BPGM: variants seen among roughly 807,000 people sequenced by gnomAD.
The protein encoded by BPGM is 2,3-bisphosphoglycerate mutase, erythrocyte.
A neutral mutation model predicts 21.6 loss-of-function variants in BPGM; 15 were observed. The observed-to-expected ratio is 0.70, with a 90% CI of 0.47 to 1.07. The LOEUF is 1.07. BPGM is among the 50% of genes least tolerant of loss of function. The pLI, the probability that BPGM is intolerant of heterozygous loss-of-function variation, is 0.00. For missense variants in BPGM, 273 were observed against 319.0 expected, an observed-to-expected ratio of 0.86 and a Z score of 1.10; for synonymous variants, 113 against 116.2, an observed-to-expected ratio of 0.97 and a Z score of 0.18.
intron 2 of BPGM, among the ~76,000 whole-genome samples, chr7:134,670,879 G>A (rs3823563): frequency 0.65 from 99,246 of 152,028 alleles, 32,893 homozygotes; most frequent in East Asian, 0.88. Flanking sequence ...ATCCTGTAGC[G>A]AATCTTTCTG....
intron 2 of BPGM, among the ~76,000 whole-genome samples, chr7:134,670,688 C>T (rs1275446994): frequency 6.6e-6 from 1 of 152,034 alleles, no homozygotes; most frequent in Non-Finnish European, 1.5e-5. Flanking sequence ...TAAAGGAATA[C>T]AGAACTCTTA....
chr7:134,673,132 C>T (rs1795931800), intron 2 of BPGM, among the ~76,000 whole-genome samples: 1 of 152,030 alleles, frequency 6.6e-6, no homozygotes. Context: ...TGAGATCGCG[C>T]CACTGCACTC....
intron 2 of BPGM, among the ~76,000 whole-genome samples, chr7:134,662,891 C>T (rs1400715802): frequency 6.6e-6 from 1 of 152,188 alleles, no homozygotes; most frequent in Non-Finnish European, 1.5e-5. Flanking sequence ...CAAATGAACT[C>T]TTGAGGATTC....
At chr7:134,675,186 T>C (rs796511181) in intron 2 of BPGM, among the ~76,000 whole-genome samples, 6 of 152,290 alleles carry the variant, frequency 3.9e-5, no homozygotes, top group African/African-American at 1.4e-4. Context: ...ATACAAATTT[T>C]TCTCCCATTC....
chr7:134,657,423 T>G (rs889874), intron 1 of BPGM, among the ~76,000 whole-genome samples: 111,510 of 152,216 alleles, frequency 0.73, 42,482 homozygotes, highest in East Asian at 0.96. Flanking sequence ...AGAATTGAGG[T>G]TTTAAAATAA....
chr7:134,657,872 A>G (rs1562967801), intron 1 of BPGM, among the ~76,000 whole-genome samples: 1 of 152,226 alleles, frequency 6.6e-6, no homozygotes, highest in East Asian at 1.9e-4. Flanking sequence ...GTTGGGCAAT[A>G]ACAGGAAAGC....
rs961228656 is a variant in BPGM, at chr7:134,662,346, G to A, written c.601+238G>A. On this transcript the variant is annotated intron_variant, in intron 2 of 2. Coordinates refer to ENST00000344924, the MANE Select transcript of BPGM (RefSeq NM_001724.5). Reference sequence around the variant, plus strand: ...GCATCAGAGTCACCTGGAGAGGTTGGTGTATCACAGATTGTGGGTCCCACC... The same window carrying A: ...GCATCAGAGTCACCTGGAGAGGTTGATGTATCACAGATTGTGGGTCCCACC... Among the ~76,000 whole-genome samples, 3 of 152,232 alleles carry A rather than the reference G, an allele frequency of 2.0e-5. No homozygotes were observed. The East Asian group carries it at 5.8e-4, about 29-fold the overall frequency.
At chr7:134,648,427 GCCCGGCCTTCTTTTTTTTTGAACTGCCT>G (rs1562965655) in intron 1 of BPGM, among the ~76,000 whole-genome samples, 2 of 152,112 alleles carry the variant, frequency 1.3e-5, no homozygotes, top group African/African-American at 4.8e-5. Context: ...GAGCTACCGC[GCCCGGCCTTCTTTTTTTTTGAACTGCCT>G]CCCGTGAGTC....
intron 2 of BPGM, among the ~76,000 whole-genome samples, chr7:134,677,449 A>G (rs1795999002): frequency 6.6e-6 from 1 of 152,160 alleles, no homozygotes; most frequent in Non-Finnish European, 1.5e-5. Flanking sequence ...TAGTTTGTGT[A>G]TAAGAGTTAT....
chr7:134,664,548 A>AGTTATT (rs138398326), intron 2 of BPGM, among the ~76,000 whole-genome samples: 68 of 151,536 alleles, frequency 4.5e-4, no homozygotes, highest in African/African-American at 1.6e-3. Flanking sequence ...TCACATTATG[A>AGTTATT]GGAGTTTGGG....
chr7:134,652,311 C>A (rs1322996011), intron 1 of BPGM, among the ~76,000 whole-genome samples: 1 of 151,888 alleles, frequency 6.6e-6, no homozygotes, highest in African/African-American at 2.4e-5. Context: ...TGGCCTATAC[C>A]GTTTTTTAAA....
intron 1 of BPGM, among the ~76,000 whole-genome samples, chr7:134,659,090 G>T (rs2131426484): frequency 6.6e-6 from 1 of 152,170 alleles, no homozygotes; most frequent in South Asian, 2.1e-4. Flanking sequence ...GTCTAACCAT[G>T]CCCTTCTTTA....
rs759276242 is a variant in BPGM at position 134,679,034 on chromosome 7, T to C, written c.*3T>C. On this transcript the variant is annotated 3_prime_UTR_variant, in exon 3 of 3. Transcript: ENST00000344924. ...AAGTGAAACAAGCTAAAAAATAGTC[T>C]TTCTCAACTGTTGGCTAAGAAGAAA... is the stretch of plus-strand genomic sequence containing the variant. 6.2e-7 allele frequency: 1 copy of C among 1,613,968 alleles called. No homozygotes were observed. Among genetic ancestry groups the C allele is most frequent in the Admixed American group, 1.7e-5 (1 of 60,026 alleles).
intron 1 of BPGM, among the ~76,000 whole-genome samples, chr7:134,652,974 T>C (rs1795579822): frequency 2.0e-5 from 3 of 152,212 alleles, no homozygotes; most frequent in Admixed American, 2.0e-4. Flanking sequence ...TTATTTGCTT[T>C]CTTTTGGATG....
intron 1 of BPGM, chr7:134,658,780 GT>G (rs1266359307): frequency 1.3e-5 from 2 of 152,100 alleles, no homozygotes; most frequent in African/African-American, 4.8e-5. Flanking sequence ...ACTTTATCAT[GT>G]ATTCACCTGC....
intron 2 of BPGM, among the ~76,000 whole-genome samples, chr7:134,669,374 T>C (rs1018711105): frequency 2.0e-5 from 3 of 152,194 alleles, no homozygotes; most frequent in Non-Finnish European, 4.4e-5. Context: ...TGAAAGCTCC[T>C]CTAATAAAGG....
intron 1 of BPGM, among the ~76,000 whole-genome samples, chr7:134,658,144 A>G (rs1450731986): frequency 6.6e-6 from 1 of 152,196 alleles, no homozygotes; most frequent in Non-Finnish European, 1.5e-5. Context: ...TCAGTTGCTC[A>G]GTATCACAGG....
At position 134,673,286 on chromosome 7, in the gene BPGM, TG is replaced by T. The variant is rs1450643475; in HGVS notation, c.602-5566del. On this transcript the variant is annotated intron_variant, in intron 2 of 2. Transcript: ENST00000344924. ...TTTAAATATTTGTAAGTAATTAGTC[TG>T]CTGTGTGAATGGCTTGAGTAGTCAT... 2.0e-5 allele frequency among the ~76,000 whole-genome samples: 3 copies of T among 152,256 alleles called. No homozygotes were observed. The East Asian group carries it at 5.8e-4, about 29-fold the overall frequency.
intron 2 of BPGM, among the ~76,000 whole-genome samples, chr7:134,671,317 C>T (rs1398738809): frequency 6.6e-6 from 1 of 150,932 alleles, no homozygotes; most frequent in African/African-American, 2.4e-5. Flanking sequence ...AGGGTGTTTT[C>T]ATATATAGGC....
Sources: allele counts gnomAD v4.1 joint callset (sites outside exome capture counted in the v4.1 genomes callset), GRCh38; gene constraint gnomAD v4.1.1; transcripts MANE v1.5; gene names NCBI Gene and HGNC (gene_info 2026-07-23, HGNC 2026-07-21).